TTC3: variants seen among roughly 807,000 people sequenced by gnomAD.
TTC3 encodes E3 ubiquitin-protein ligase TTC3.
In TTC3, 180 loss-of-function variants were observed where a neutral mutation model predicts 249.6. The ratio of observed to expected loss-of-function variants is 0.72; its 90% CI spans 0.64 to 0.82. TTC3 has a LOEUF of 0.82. Ranked by LOEUF, TTC3 falls within the 40% of genes least tolerant of loss-of-function variation. The probability of loss-of-function intolerance (pLI) is 0.00; values close to 1 mark genes in which losing one functional copy is unlikely to be tolerated. For missense variants in TTC3, 2,061 were observed against 2,398.4 expected (o/e 0.86, Z 2.94); for synonymous variants, 717 against 805.0 (o/e 0.89, Z 1.85).
intron 10 of TTC3, among the ~76,000 whole-genome samples, chr21:37,099,485 A>G (rs1012345283): frequency 2.0e-5 from 3 of 152,230 alleles, no homozygotes; most frequent in African/African-American, 4.8e-5. Context: ...GAAGGTGGTG[A>G]TAGAATAAAA....
At chr21:37,107,406 T>G (rs2075188935) in intron 10 of TTC3, among the ~76,000 whole-genome samples, 1 of 152,100 alleles carries the variant, frequency 6.6e-6, no homozygotes, top group Admixed American at 6.6e-5. Flanking sequence ...AGGGGTGCAG[T>G]GATGGGTGGC....
chr21:37,192,636 T>C (rs2148213701), intron 41 of TTC3, among the ~76,000 whole-genome samples: 1 of 152,260 alleles, frequency 6.6e-6, no homozygotes, highest in African/African-American at 2.4e-5. Flanking sequence ...TATACTCTTA[T>C]TCCTAGATAT....
chr21:37,148,569 C>T, exon 23 of TTC3: 1 of 1,596,264 alleles, frequency 6.3e-7, no homozygotes, highest in African/African-American at 1.4e-5. Flanking sequence ...TCAGCTGTTG[C>T]CAGTACTGTA....
intron 39 of TTC3, among the ~76,000 whole-genome samples, chr21:37,189,738 G>T (rs118021575): frequency 0.015 from 2,201 of 151,704 alleles, 128 homozygotes; most frequent in Admixed American, 0.11. Flanking sequence ...TAGTAGAGAT[G>T]AATTTCACCA....
intron 1 of TTC3, among the ~76,000 whole-genome samples, chr21:37,078,543 T>TGTTG (rs1192335405): frequency 2.6e-5 from 4 of 152,172 alleles, no homozygotes; most frequent in African/African-American, 9.6e-5. Context: ...TTTGTTGCTA[T>TGTTG]TATAAATGGT....
At chr21:37,130,704 A>G (rs758377845) in intron 16 of TTC3, among the ~76,000 whole-genome samples, 11 of 152,166 alleles carry the variant, frequency 7.2e-5, no homozygotes, top group Non-Finnish European at 1.6e-4. Context: ...AGTATTTTGT[A>G]ATATGGCTGT....
chr21:37,163,682 G>A (rs1001970279), intron 31 of TTC3, among the ~76,000 whole-genome samples: 5 of 152,130 alleles, frequency 3.3e-5, no homozygotes, highest in African/African-American at 1.2e-4. Flanking sequence ...CCATTTACCA[G>A]TCTCAGTCTC....
chr21:37,172,750 C>A lies in TTC3; in HGVS notation c.4617+6C>A, dbSNP rs2081915931. ...GGCACTTAGAAGAAAACAAGGTAATCCTGTCTGAAACCTGTCTTTAATTGC... is the reference window on the plus strand; with the variant it reads ...GGCACTTAGAAGAAAACAAGGTAATACTGTCTGAAACCTGTCTTTAATTGC... On this transcript the variant is annotated splice_donor_region_variant and intron_variant, in intron 35 of 45. Transcript: ENST00000355666. 6.2e-7 allele frequency: 1 copy of A among 1,613,320 alleles called. No homozygotes were observed.
chr21:37,074,981 A>G (rs1159382132), intron 1 of TTC3, among the ~76,000 whole-genome samples: 1 of 152,014 alleles, frequency 6.6e-6, no homozygotes, highest in Non-Finnish European at 1.5e-5. Flanking sequence ...TTTTTTTTTA[A>G]AGAAATAAAA....
intron 15 of TTC3, 115 bp downstream of exon 15, chr21:37,126,258 A>G: frequency 1.4e-6 from 1 of 734,720 alleles, no homozygotes; most frequent in Non-Finnish European, 2.2e-6. Context: ...CCTTTACTTT[A>G]TAATGCTTCT....
chr21:37,079,127 C>G (rs984523067), intron 1 of TTC3, among the ~76,000 whole-genome samples: 20 of 151,994 alleles, frequency 1.3e-4, no homozygotes, highest in Non-Finnish European at 2.9e-4. Flanking sequence ...CCAAATTGGT[C>G]TTTATAGATT....
At chr21:37,186,514 T>A (rs2083298407) in intron 37 of TTC3, among the ~76,000 whole-genome samples, 1 of 152,216 alleles carries the variant, frequency 6.6e-6, no homozygotes, top group Non-Finnish European at 1.5e-5. Flanking sequence ...CAGTCATTGC[T>A]CACTGCAGAC....
chr21:37,115,016 A>G lies in TTC3; in HGVS notation c.900+6570A>G, dbSNP rs970324300. ...ATGGACACAGGAAGGGGAACATCAC[A>G]CACCGGGGCCTGTTGTGAGGTGGGA... On this transcript the variant is annotated intron_variant, in intron 11 of 45. Transcript: ENST00000355666. Among the ~76,000 whole-genome samples the G allele has an allele frequency of 3.9e-5, 6 of 151,930 alleles. No homozygotes were observed. The East Asian group carries it at 1.2e-3, about 29-fold the overall frequency.
At chr21:37,176,547 T>G (rs1293153163) in intron 35 of TTC3, among the ~76,000 whole-genome samples, 1 of 152,218 alleles carries the variant, frequency 6.6e-6, no homozygotes, top group Non-Finnish European at 1.5e-5. Context: ...CTGCCAAAAC[T>G]TCCTCAGCCC....
rs529924724 is a variant in TTC3 at position 37,136,141 on chromosome 21, C to G, written c.1578+627C>G. Among the ~76,000 whole-genome samples the G allele has an allele frequency of 1.4e-4, 21 of 152,262 alleles. 2 individuals are homozygous for G. Among genetic ancestry groups the G allele is most frequent in the Middle Eastern group, 6.8e-3 (2 of 294 alleles). On this transcript the variant is annotated intron_variant, in intron 18 of 45. Coordinates refer to ENST00000355666, the Ensembl canonical transcript of TTC3. Reference sequence around the variant, plus strand: ...GAGTGCTCTGCCAACCAGCTGTTATCTCCACCCCCTTCCTTAAGTCTCCCT... The same window carrying G: ...GAGTGCTCTGCCAACCAGCTGTTATGTCCACCCCCTTCCTTAAGTCTCCCT...
intron 16 of TTC3, 34 bp downstream of exon 16, chr21:37,129,097 CT>C (rs1568998703): frequency 3.4e-6 from 5 of 1,461,706 alleles, no homozygotes; most frequent in Non-Finnish European, 4.6e-6. Context: ...TTTTTTTCCC[CT>C]TAATATACTC....
chr21:37,102,954 G>A (rs1025445657), intron 10 of TTC3, among the ~76,000 whole-genome samples: 2 of 152,180 alleles, frequency 1.3e-5, no homozygotes, highest in East Asian at 1.9e-4. Context: ...CTGAGATTGC[G>A]CCACTGCACT....
intron 11 of TTC3, among the ~76,000 whole-genome samples, chr21:37,117,795 AG>A (rs2076265414): frequency 6.7e-6 from 1 of 148,754 alleles, no homozygotes; most frequent in African/African-American, 2.5e-5. Flanking sequence ...ACCTGAGCCC[AG>A]GAAGTATGAG....
chr21:37,122,437 T>TATATTA (rs913030475), intron 12 of TTC3, among the ~76,000 whole-genome samples: 1 of 28,550 alleles, frequency 3.5e-5, no homozygotes, highest in African/African-American at 9.0e-5. Context: ...TATATATATA[T>TATATTA]TATATATATA....
Sources: allele counts gnomAD v4.1 joint callset (sites outside exome capture counted in the v4.1 genomes callset), GRCh38; gene constraint gnomAD v4.1.1; transcripts MANE v1.5; gene names NCBI Gene and HGNC (gene_info 2026-07-23, HGNC 2026-07-21).